Variants in CCDC63 observed in about 807,000 individuals in gnomAD.
CCDC63 encodes the protein coiled-coil domain containing 63.
Under a neutral mutation model 63.6 loss-of-function variants are expected in CCDC63, and 54 were observed. That is an observed-to-expected ratio of 0.85 (90% confidence interval 0.68 to 1.07). The LOEUF (loss-of-function observed/expected upper bound fraction) is 1.07, where lower values mean the gene tolerates loss of function less well. Ranked by LOEUF, CCDC63 falls within the 50% of genes least tolerant of loss-of-function variation. The pLI is 0.00. For synonymous variants in CCDC63, 253 were observed against 266.1 expected, an observed-to-expected ratio of 0.95 and a Z score of 0.48; for missense variants, 637 against 689.6, an observed-to-expected ratio of 0.92 and a Z score of 0.86.
chr12:110,903,078 T>C (rs915442147), intron 10 of CCDC63, among the ~76,000 whole-genome samples: 2 of 152,080 alleles, frequency 1.3e-5, no homozygotes, highest in Non-Finnish European at 2.9e-5. Context: ...GGTTTCACCA[T>C]GTTGGCCAGG....
chr12:110,898,730 C>G (rs1431046655), intron 9 of CCDC63, among the ~76,000 whole-genome samples: 3 of 152,050 alleles, frequency 2.0e-5, no homozygotes, highest in Non-Finnish European at 2.9e-5. Flanking sequence ...TCAATGTACA[C>G]TAGTATTTTT....
intron 8 of CCDC63, among the ~76,000 whole-genome samples, chr12:110,888,362 C>T (rs1463750990): frequency 6.6e-6 from 1 of 152,150 alleles, no homozygotes; most frequent in Non-Finnish European, 1.5e-5. Context: ...TATTCCTGAG[C>T]TGAATTGGCC....
Position 110,907,379 on chromosome 12 carries a change from A to G in CCDC63, c.1595A>G (p.Asn532Ser), listed in dbSNP as rs144180281. 7 of 1,614,122 alleles carry G rather than the reference A, an allele frequency of 4.3e-6. No homozygotes were observed. Among genetic ancestry groups the G allele is most frequent in the African/African-American group, 1.3e-5 (1 of 75,036 alleles). The stretch of plus-strand genomic sequence containing the variant: ...AGCCTTCGGCAGCTGGTTCTCGACA[A>G]TTATATCCTGAAGGAGAATCGGAGT... The part of the protein sequence containing the change: ...HSSLRQLVLD[N>S]YILKENRSKE... The change falls in exon 12 of 12, where the codon AAT (asparagine) becomes AGT (serine). Residue 532 changes from asparagine (N) to serine (S), a missense_variant. Physicochemically the swap from Asn to Ser is conservative, Grantham distance 46. Transcript: ENST00000308208. This position sits in a 1 kb window ranked among gnomAD's most constrained non-coding sequence, Gnocchi z 4.4.
At chr12:110,875,786 T>C (rs774573149) in intron 5 of CCDC63, among the ~76,000 whole-genome samples, 1 of 152,138 alleles carries the variant, frequency 6.6e-6, no homozygotes, top group Non-Finnish European at 1.5e-5. Flanking sequence ...GATGTGATTG[T>C]GCCTTTTAAT....
intron 4 of CCDC63, among the ~76,000 whole-genome samples, chr12:110,871,317 A>G (rs2071063135): frequency 6.6e-6 from 1 of 151,738 alleles, no homozygotes; most frequent in Non-Finnish European, 1.5e-5. Flanking sequence ...ATTTTTTTGT[A>G]TTTTTAGTAG....
intron 1 of CCDC63, among the ~76,000 whole-genome samples, chr12:110,848,363 A>G (rs2070665589): frequency 1.3e-5 from 2 of 152,152 alleles, no homozygotes; most frequent in South Asian, 4.1e-4. Flanking sequence ...CTGCAGGCCA[A>G]GCTATGAGGA....
intron 10 of CCDC63, among the ~76,000 whole-genome samples, chr12:110,899,383 A>G (rs2071456734): frequency 1.3e-5 from 2 of 152,126 alleles, no homozygotes; most frequent in African/African-American, 2.4e-5. Context: ...CAGTGGCCCA[A>G]TCATGGCTCA....
chr12:110,874,143 C>A (rs371966775), intron 5 of CCDC63, among the ~76,000 whole-genome samples, 182 bp downstream of exon 5: 1 of 151,698 alleles, frequency 6.6e-6, no homozygotes, highest in East Asian at 1.9e-4. Flanking sequence ...TTAGCAAATG[C>A]GGTTATCCCC....
At chr12:110,849,385 C>T (rs1027254306) in intron 1 of CCDC63, among the ~76,000 whole-genome samples, 17 of 152,026 alleles carry the variant, frequency 1.1e-4, no homozygotes, top group Non-Finnish European at 1.8e-4. Flanking sequence ...TTAGGTGTGA[C>T]GGTGATATTT....
At chr12:110,858,926 T>A in intron 4 of CCDC63, 151 bp downstream of exon 4, 1 of 642,350 alleles carries the variant, frequency 1.6e-6, no homozygotes, top group Non-Finnish European at 2.6e-6. Flanking sequence ...TGCTATCGTC[T>A]CGCTACCCTT....
Position 110,884,259 on chromosome 12 carries a change from GGCTCT to G in CCDC63, c.1074+13_1074+17del. The G allele has an allele frequency of 6.2e-7, 1 of 1,611,718 alleles. No homozygotes were observed. Among genetic ancestry groups the G allele is most frequent in the Non-Finnish European group, 8.5e-7 (1 of 1,178,046 alleles). ...GGACCCAACGAATCCAGGTCAGGGCGGCTCTGCTTTCCCAGGCCCTGGGCCCCTGT... is the reference window on the plus strand; with the variant it reads ...GGACCCAACGAATCCAGGTCAGGGCGGCTTTCCCAGGCCCTGGGCCCCTGT... On this transcript the variant is annotated intron_variant, in intron 8 of 11. Coordinates refer to ENST00000308208, the MANE Select transcript of CCDC63 (RefSeq NM_152591.3).
chr12:110,874,940 A>C (rs140182924), intron 5 of CCDC63, among the ~76,000 whole-genome samples: 1 of 152,194 alleles, frequency 6.6e-6, no homozygotes, highest in African/African-American at 2.4e-5. Context: ...GACAAACCAC[A>C]CATTCCAGTC....
intron 8 of CCDC63, among the ~76,000 whole-genome samples, chr12:110,885,699 TG>T (rs1447857221): frequency 1.3e-5 from 2 of 152,202 alleles, no homozygotes; most frequent in African/African-American, 4.8e-5. Context: ...TCGCCTCCTC[TG>T]GGAATTCATT....
chr12:110,895,086 A>C (rs1389359140), intron 9 of CCDC63, among the ~76,000 whole-genome samples: 2 of 144,262 alleles, frequency 1.4e-5, no homozygotes, highest in East Asian at 4.1e-4. Flanking sequence ...GATAACTTTA[A>C]TTTTTAATTT....
intron 3 of CCDC63, among the ~76,000 whole-genome samples, chr12:110,855,828 G>A (rs1049440180): frequency 1.3e-5 from 2 of 152,002 alleles, no homozygotes; most frequent in African/African-American, 4.8e-5. Context: ...TGATCCACCC[G>A]CCTCGGCCTC....
Position 110,885,021 on chromosome 12 carries a change from T to C in CCDC63, c.1074+771T>C, listed in dbSNP as rs144755100. Among the ~76,000 whole-genome samples the C allele has an allele frequency of 4.2e-3, 632 of 152,114 alleles. 6 individuals carry two copies. Among genetic ancestry groups the C allele is most frequent in the African/African-American group, 0.014 (590 of 41,506 alleles). ...TGGCCTGTAATTGTCTTTCAATGTATAGATACATTTCATGTATTCATGTCC... is the reference window on the plus strand; with the variant it reads ...TGGCCTGTAATTGTCTTTCAATGTACAGATACATTTCATGTATTCATGTCC... On this transcript the variant is annotated intron_variant, in intron 8 of 11. Transcript: ENST00000308208.
intron 3 of CCDC63, among the ~76,000 whole-genome samples, chr12:110,854,295 T>C (rs1206175410): frequency 2.8e-5 from 4 of 143,366 alleles, no homozygotes; most frequent in Admixed American, 1.4e-4. Context: ...TCTTTTCTCT[T>C]TTTTTTTTTT....
upstream of CCDC63, chr12:110,845,572 G>A (rs1191907805): frequency 6.6e-6 from 1 of 152,130 alleles, no homozygotes; most frequent in East Asian, 1.9e-4. Context: ...TATCTTACTT[G>A]ACATGAATAT....
rs775887929 is a variant in CCDC63, at chr12:110,893,164, C to T, written c.1149+14C>T. On this transcript the variant is annotated intron_variant, in intron 9 of 11. Coordinates refer to ENST00000308208, the MANE Select transcript of CCDC63 (RefSeq NM_152591.3). ...AGACAGCTGGAGGTGAGAACAGGAT[C>T]GGGAGGGAGGGATGCGGGAGCTTCT... 7.3e-5 allele frequency: 118 copies of T among 1,608,436 alleles called. No individual in the cohort carries two copies. Among genetic ancestry groups the T allele is most frequent in the East Asian group, 1.3e-4 (6 of 44,862 alleles).
Sources: allele counts gnomAD v4.1 joint callset (sites outside exome capture counted in the v4.1 genomes callset), GRCh38; gene constraint gnomAD v4.1.1; non-coding constraint Gnocchi (gnomAD v3.1); transcripts MANE v1.5; gene names NCBI Gene and HGNC (gene_info 2026-07-23, HGNC 2026-07-21).